MATN2: variants seen among roughly 807,000 people sequenced by gnomAD.
MATN2 encodes matrilin 2, also known as matrilin-2.
MATN2 carries 69 observed loss-of-function variants against 103.2 expected under a neutral mutation model. The observed-to-expected ratio is 0.67, with a 90% CI of 0.55 to 0.82. MATN2 has a LOEUF of 0.82. Among genes scored for constraint, MATN2 ranks in the 40% least tolerant of loss-of-function variants. The pLI, the probability that MATN2 is intolerant of heterozygous loss-of-function variation, is 0.00. For missense variants in MATN2, 1,023 were observed against 1,211.5 expected (o/e 0.84, Z 2.31); for synonymous variants, 429 against 450.2 (o/e 0.95, Z 0.60).
intron 2 of MATN2, among the ~76,000 whole-genome samples, chr8:97,913,598 T>C (rs936939511): frequency 6.8e-6 from 1 of 148,046 alleles, no homozygotes; most frequent in Non-Finnish European, 1.5e-5. Context: ...TACAGGTATA[T>C]GCCACTGCAC....
At chr8:97,937,405 A>G (rs1810410114) in intron 3 of MATN2, among the ~76,000 whole-genome samples, 1 of 152,146 alleles carries the variant, frequency 6.6e-6, no homozygotes. Flanking sequence ...TGTTCGAGGT[A>G]GAGGGGAACT....
At position 98,007,650 on chromosome 8, in the gene MATN2, C is replaced by T; in HGVS notation, c.1573+49C>T. On this transcript the variant is annotated intron_variant, in intron 10 of 18. Coordinates refer to ENST00000254898, the MANE Select transcript of MATN2 (RefSeq NM_002380.5). This position sits in a 1 kb window ranked among gnomAD's most constrained non-coding sequence, Gnocchi z 4.2. Reference sequence around the variant, plus strand: ...GACCTGCACAGGTGTTCCGTGGGTGCCGGTGTGGGTGCGCTGCCGACGTGT... The same window carrying T: ...GACCTGCACAGGTGTTCCGTGGGTGTCGGTGTGGGTGCGCTGCCGACGTGT... 1.3e-6 allele frequency: 2 copies of T among 1,577,908 alleles called. No individual in the cohort carries two copies. Among genetic ancestry groups the T allele is most frequent in the Non-Finnish European group, 1.7e-6 (2 of 1,154,656 alleles).
At chr8:97,872,034 A>G (rs1452613126) in intron 1 of MATN2, among the ~76,000 whole-genome samples, 1 of 152,230 alleles carries the variant, frequency 6.6e-6, no homozygotes, top group Admixed American at 6.5e-5. Flanking sequence ...TTTTGGGAGA[A>G]TTAAATTAGT....
intron 7 of MATN2, among the ~76,000 whole-genome samples, chr8:97,999,861 CTT>C (rs71271182): frequency 0.47 from 64,397 of 138,294 alleles, 15,240 homozygotes; most frequent in Middle Eastern, 0.53. Flanking sequence ...GTCACGGATT[CTT>C]TTTTTTTTTT....
chr8:97,941,368 C>T (rs1195370484), intron 3 of MATN2, among the ~76,000 whole-genome samples: 1 of 152,218 alleles, frequency 6.6e-6, no homozygotes, highest in East Asian at 1.9e-4. Context: ...CACATTCTTG[C>T]TTATTTAATA....
intron 5 of MATN2, among the ~76,000 whole-genome samples, chr8:97,967,171 A>G (rs921964212): frequency 6.6e-6 from 1 of 152,210 alleles, no homozygotes; most frequent in African/African-American, 2.4e-5. Context: ...ATCCACAGCT[A>G]TGATCCAATA....
intron 2 of MATN2, among the ~76,000 whole-genome samples, chr8:97,911,328 T>A (rs1292896038): frequency 1.3e-5 from 2 of 152,126 alleles, no homozygotes; most frequent in Non-Finnish European, 2.9e-5. Context: ...GAAAAAGAAC[T>A]AAGACACTTC....
At chr8:97,947,838 C>T (rs969911565) in intron 4 of MATN2, among the ~76,000 whole-genome samples, 2 of 152,138 alleles carry the variant, frequency 1.3e-5, no homozygotes, top group African/African-American at 4.8e-5. Context: ...CAGTAGTTAT[C>T]ATCCATAAAA....
intron 6 of MATN2, among the ~76,000 whole-genome samples, chr8:97,990,287 A>G (rs1812352113): frequency 6.6e-6 from 1 of 152,172 alleles, no homozygotes; most frequent in South Asian, 2.1e-4. Flanking sequence ...AAGCATATGA[A>G]AATATATTCA....
intron 1 of MATN2, among the ~76,000 whole-genome samples, chr8:97,875,820 T>G (rs1818050664): frequency 7.0e-6 from 1 of 142,762 alleles, no homozygotes; most frequent in Non-Finnish European, 1.5e-5. Flanking sequence ...CTCAGCCTCC[T>G]GAGTAGCTGG....
intron 1 of MATN2, among the ~76,000 whole-genome samples, chr8:97,886,752 G>C (rs988421330): frequency 6.6e-6 from 1 of 151,934 alleles, no homozygotes; most frequent in Non-Finnish European, 1.5e-5. Context: ...TTGAAACATG[G>C]TCCCTGCCCC....
Position 98,027,762 on chromosome 8 carries a change from C to A in MATN2, c.2289C>A (p.Ala763=), listed in dbSNP as rs540926527. The A allele has an allele frequency of 1.2e-6, 2 of 1,609,342 alleles. No homozygotes were observed. Among genetic ancestry groups the A allele is most frequent in the East Asian group, 4.5e-5 (2 of 44,836 alleles). Residue 763 remains alanine, a synonymous_variant, in exon 14 of 19, where the codon GCC becomes GCA. Transcript: ENST00000254898. ...RPLSTRVPRA[A]IVFTDGRAQD... ...TTTCCACAAGGGTGCCCAGAGCAGCCATTGTGTTCACCGACGGACGGGCTC... is the reference window on the plus strand; with the variant it reads ...TTTCCACAAGGGTGCCCAGAGCAGCAATTGTGTTCACCGACGGACGGGCTC...
chr8:97,878,241 C>T (rs1818140743), intron 1 of MATN2, among the ~76,000 whole-genome samples: 1 of 151,972 alleles, frequency 6.6e-6, no homozygotes, highest in South Asian at 2.1e-4. Context: ...TTCAAGCTGA[C>T]CAAGAAATTG....
At chr8:97,929,489 A>C (rs1466958429) in intron 2 of MATN2, among the ~76,000 whole-genome samples, 1 of 152,156 alleles carries the variant, frequency 6.6e-6, no homozygotes, top group Non-Finnish European at 1.5e-5. Context: ...TCCCAACAGG[A>C]ATGCCCAGCC....
intron 12 of MATN2, chr8:98,020,888 T>C (rs1319952320): frequency 4.4e-6 from 1 of 225,808 alleles, no homozygotes; most frequent in African/African-American, 2.3e-5. Context: ...AAATGTTCAT[T>C]AGACAATCTG....
chr8:97,870,491 C>T (rs1817855872), intron 1 of MATN2, among the ~76,000 whole-genome samples: 1 of 151,670 alleles, frequency 6.6e-6, no homozygotes, highest in African/African-American at 2.4e-5. Context: ...GCACTCCAGC[C>T]TGGGCAACAA....
At chr8:97,901,203 CA>C (rs1179187984) in intron 2 of MATN2, among the ~76,000 whole-genome samples, 1 of 152,092 alleles carries the variant, frequency 6.6e-6, no homozygotes, top group Non-Finnish European at 1.5e-5. Context: ...GGAAAACCAT[CA>C]ATTTTATGGA....
At chr8:97,875,724 C>G (rs1818047361) in intron 1 of MATN2, among the ~76,000 whole-genome samples, 1 of 96,284 alleles carries the variant, frequency 1.0e-5, no homozygotes, top group Non-Finnish European at 1.9e-5. Flanking sequence ...GAGGTGGAGT[C>G]TCACTCTGTC....
intron 3 of MATN2, among the ~76,000 whole-genome samples, chr8:97,936,601 T>C (rs1256148610): frequency 6.6e-6 from 1 of 152,176 alleles, no homozygotes; most frequent in East Asian, 1.9e-4. Context: ...GGACTGTTCT[T>C]ATTTCCTAGT....
Sources: allele counts gnomAD v4.1 joint callset (sites outside exome capture counted in the v4.1 genomes callset), GRCh38; gene constraint gnomAD v4.1.1; non-coding constraint Gnocchi (gnomAD v3.1); transcripts MANE v1.5; gene names NCBI Gene and HGNC (gene_info 2026-07-23, HGNC 2026-07-21).